Variants in DRC3 observed in about 807,000 individuals in gnomAD.
DRC3 encodes the protein leucine rich repeat containing 48.
DRC3 carries 45 observed loss-of-function variants against 57.6 expected under a neutral mutation model. The ratio of observed to expected loss-of-function variants is 0.78; its 90% CI spans 0.62 to 1.00. The LOEUF is 1.00. DRC3 is among the 50% of genes least tolerant of loss of function. The pLI, the probability that DRC3 is intolerant of heterozygous loss-of-function variation, is 0.00. For missense variants in DRC3, 655 were observed against 675.2 expected, an observed-to-expected ratio of 0.97 and a Z score of 0.33; for synonymous variants, 257 against 272.3, an observed-to-expected ratio of 0.94 and a Z score of 0.55.
intron 12 of DRC3, 25 bp downstream of exon 12, chr17:18,007,172 CCTGACAG>C (rs1568536634): frequency 3.5e-6 from 4 of 1,143,314 alleles, no homozygotes; most frequent in African/African-American, 3.1e-5. Flanking sequence ...CTGCTCGGAG[CCTGACAG>C]ATGTGGTCCA....
At chr17:18,001,706 A>ATCCT (rs2043739040) in intron 9 of DRC3, among the ~76,000 whole-genome samples, 1 of 151,964 alleles carries the variant, frequency 6.6e-6, no homozygotes, top group African/African-American at 2.4e-5. Flanking sequence ...TGTGGCAGGA[A>ATCCT]GATCGCTTGA....
At chr17:17,997,749 C>T (rs1329136532) in intron 9 of DRC3, 115 bp downstream of exon 9, 1 of 985,134 alleles carries the variant, frequency 1.0e-6, no homozygotes, top group East Asian at 2.9e-5. Flanking sequence ...ACCCCTGAGG[C>T]CAATGGTTAT....
rs1402083646 is a variant in DRC3 at position 18,006,227 on chromosome 17, A to T, written c.1176A>T (p.Gly392=). 1.2e-6 allele frequency: 2 copies of T among 1,612,400 alleles called. No homozygotes were observed. The highest frequency in any genetic ancestry group is 1.7e-6 in the Non-Finnish European group (2 of 1,178,952). Residue 392 remains glycine (G), a synonymous_variant, in exon 11 of 14, where the codon GGA becomes GGT. Transcript: ENST00000399187. ...AAAGGAACATTGTTGACATGGTAGGACTGTTTATCGAAAATGTCCAAAGCC... is the reference window on the plus strand; with the variant it reads ...AAAGGAACATTGTTGACATGGTAGGTCTGTTTATCGAAAATGTCCAAAGCC... ...MFERNIVDMV[G]LFIENVQSLM... is the part of the protein sequence containing the mutation.
intron 3 of DRC3, among the ~76,000 whole-genome samples, chr17:17,982,285 G>A (rs1383765934): frequency 2.7e-5 from 4 of 146,180 alleles, no homozygotes; most frequent in Non-Finnish European, 4.5e-5. Context: ...GCGCAATCTC[G>A]GCTCACTGAA....
At chr17:18,010,981 G>T (rs540851607) in intron 12 of DRC3, 3 of 229,196 alleles carry the variant, frequency 1.3e-5, no homozygotes, top group Non-Finnish European at 2.6e-5. Context: ...TTTTTGAGAC[G>T]GAATTTTGCT....
intron 5 of DRC3, among the ~76,000 whole-genome samples, chr17:17,991,284 C>CTTTTTTTTTT (rs751138192): frequency 2.7e-5 from 2 of 74,000 alleles, no homozygotes; most frequent in Non-Finnish European, 2.4e-5. Context: ...TGAAGTATTG[C>CTTTTTTTTTT]TTTTTTTTTT....
intron 9 of DRC3, among the ~76,000 whole-genome samples, chr17:17,999,971 T>A (rs1232362309): frequency 6.6e-6 from 1 of 152,132 alleles, no homozygotes; most frequent in Non-Finnish European, 1.5e-5. Flanking sequence ...TATTCTGTAC[T>A]TTGCTTTCGT....
chr17:18,004,372 G>T lies in DRC3; in HGVS notation c.1009G>T (p.Ala337Ser). Residue 337 changes from alanine to serine, a missense_variant, in exon 10 of 14, where the codon GCC becomes TCC. Coordinates refer to ENST00000399187, the MANE Select transcript of DRC3 (RefSeq NM_031294.4). ...AGTCTATTGTTTCTAGAGTTTAAGT[G>T]CCATTCGAGAGGAGTTGGAACTGCC... ...FEEKHLSSLS[A>S]IREELELPNI... 6.2e-7 allele frequency: 1 copy of T among 1,602,712 alleles called. No homozygotes were observed. Among genetic ancestry groups the T allele is most frequent in the South Asian group, 1.1e-5 (1 of 89,008 alleles).
chr17:17,999,136 C>T (rs1483907014), intron 9 of DRC3, among the ~76,000 whole-genome samples: 1 of 152,210 alleles, frequency 6.6e-6, no homozygotes, highest in East Asian at 1.9e-4. Context: ...AGCAGCGAGT[C>T]CCTCTGCAGA....
intron 5 of DRC3, 126 bp downstream of exon 5, chr17:17,988,224 A>AT: frequency 9.4e-7 from 1 of 1,063,500 alleles, no homozygotes; most frequent in Non-Finnish European, 1.3e-6. Context: ...TTCCTGGAAA[A>AT]GCCAGGAATC....
chr17:18,015,386 G>C (rs2044321780), intron 12 of DRC3: 1 of 152,240 alleles, frequency 6.6e-6, no homozygotes, highest in African/African-American at 2.4e-5. Context: ...TGCTTCAGTG[G>C]CCTTGCCCTG....
Position 18,007,153 on chromosome 17 carries a change from C to CGGGGCGGGGG in DRC3, c.1326+14_1326+15insGGGGGGCGGG. On this transcript the variant is annotated splice_region_variant and intron_variant, in intron 12 of 13. Transcript: ENST00000399187. ...TGCCTAACGACCTGCGCGCGGTAGGCGGGGCGGGCTGCTCGGAGCCTGACA... is the reference window on the plus strand; with the variant it reads ...TGCCTAACGACCTGCGCGCGGTAGGCGGGGCGGGGGGGGGCGGGCTGCTCGGAGCCTGACA... 1.4e-6 allele frequency: 1 copy of CGGGGCGGGGG among 697,478 alleles called. No homozygotes were observed. Among genetic ancestry groups the CGGGGCGGGGG allele is most frequent in the Non-Finnish European group, 1.9e-6 (1 of 521,880 alleles). 43.2% of individuals were successfully genotyped at this position (697,478 alleles called of 1,614,324 possible). A position where few individuals can be genotyped will look rare whatever the true frequency, so the allele number is the denominator to read the frequency against.
chr17:18,004,834 C>T (rs1000756356), intron 10 of DRC3: 2 of 238,076 alleles, frequency 8.4e-6, no homozygotes, highest in African/African-American at 4.5e-5. Context: ...AAACAAAGAC[C>T]CCTCCGCATT....
In DRC3 at chr17:17,992,910, C is replaced by G. The variant is rs780044335; in HGVS notation, c.590C>G (p.Thr197Arg). Residue 197 changes from threonine to arginine, a missense_variant and splice_region_variant, in exon 6 of 14, where the codon ACA becomes AGA. Transcript: ENST00000399187. Reference sequence around the variant, plus strand: ...GACTACCGGCGCATTGATGACCACACAGCAAGTGTCTCCCTCTCAGTCTCC... The same window carrying G: ...GACTACCGGCGCATTGATGACCACAGAGCAAGTGTCTCCCTCTCAGTCTCC... ...YLDYRRIDDH[T>R]KKLAEAKHQY... 2.5e-6 allele frequency: 4 copies of G among 1,613,814 alleles called. No homozygotes were observed. Among genetic ancestry groups the G allele is most frequent in the East Asian group, 2.2e-5 (1 of 44,894 alleles).
intron 3 of DRC3, among the ~76,000 whole-genome samples, chr17:17,981,896 C>G (rs1454304634): frequency 6.6e-6 from 1 of 152,010 alleles, no homozygotes; most frequent in Middle Eastern, 3.2e-3. Context: ...CCATGTTGGC[C>G]AGGCTGGTCT....
chr17:17,991,848 A>G (rs1428702948), intron 5 of DRC3, among the ~76,000 whole-genome samples: 1 of 152,122 alleles, frequency 6.6e-6, no homozygotes, highest in Non-Finnish European at 1.5e-5. Context: ...ACAATCTACA[A>G]AGGCATGCCT....
chr17:17,989,767 CA>C (rs2043140650), intron 5 of DRC3, among the ~76,000 whole-genome samples: 1 of 152,194 alleles, frequency 6.6e-6, no homozygotes, highest in Non-Finnish European at 1.5e-5. Flanking sequence ...AGGGAGACCC[CA>C]GGGGGATTAA....
chr17:17,992,895 G>C lies in DRC3; in HGVS notation c.575G>C (p.Arg192Pro). 1 of 1,613,918 alleles carries C rather than the reference G, an allele frequency of 6.2e-7. No individual in the cohort carries two copies. The highest frequency in any genetic ancestry group is 8.5e-7 in the Non-Finnish European group (1 of 1,179,854). Residue 192 changes from arginine to proline, a missense_variant, in exon 6 of 14, where the codon CGC becomes CCC. Arg to Pro is a moderately radical substitution (Grantham distance 103, BLOSUM62 -2). Coordinates refer to ENST00000399187, the MANE Select transcript of DRC3 (RefSeq NM_031294.4). Reference protein sequence around the residue: ...LPDLMYLDYRRIDDHTKKLAE... With the variant: ...LPDLMYLDYRPIDDHTKKLAE... ...GACCTCATGTACCTGGACTACCGGC[G>C]CATTGATGACCACACAGCAAGTGTC...
intron 8 of DRC3, among the ~76,000 whole-genome samples, chr17:17,996,085 A>G (rs939739632): frequency 5.3e-5 from 8 of 152,328 alleles, no homozygotes; most frequent in East Asian, 1.9e-4. Context: ...CAATTGCGCA[A>G]TCTCAGCTCA....
Sources: allele counts gnomAD v4.1 joint callset (sites outside exome capture counted in the v4.1 genomes callset), GRCh38; gene constraint gnomAD v4.1.1; transcripts MANE v1.5; gene names NCBI Gene and HGNC (gene_info 2026-07-23, HGNC 2026-07-21).